Variants in PTPRG observed in about 807,000 individuals in gnomAD.
The protein encoded by PTPRG is receptor-type tyrosine-protein phosphatase gamma.
Under a neutral mutation model 165.3 loss-of-function variants are expected in PTPRG, and 102 were observed. The ratio of observed to expected loss-of-function variants is 0.62; its 90% CI spans 0.53 to 0.73. The LOEUF (loss-of-function observed/expected upper bound fraction) is 0.73, where lower values mean the gene tolerates loss of function less well. Among genes scored for constraint, PTPRG ranks in the 30% least tolerant of loss-of-function variants. PTPRG has a pLI of 0.00. For synonymous variants in PTPRG, 675 were observed against 669.5 expected (o/e 1.01, Z -0.13); for missense variants, 1,866 against 1,861.4 (o/e 1.00, Z -0.05).
chr3:61,608,369 C>T (rs1036773171), intron 1 of PTPRG, among the ~76,000 whole-genome samples: 9 of 152,184 alleles, frequency 5.9e-5, no homozygotes, highest in African/African-American at 2.2e-4. Flanking sequence ...AGGATTGGTT[C>T]AGGAGCAACT....
At chr3:61,865,962 T>G (rs930368501) in intron 2 of PTPRG, among the ~76,000 whole-genome samples, 1 of 152,206 alleles carries the variant, frequency 6.6e-6, no homozygotes, top group Non-Finnish European at 1.5e-5. Flanking sequence ...AAGTCAATGC[T>G]GAGACAGGCT....
intron 1 of PTPRG, among the ~76,000 whole-genome samples, chr3:61,663,587 T>A (rs1378401605): frequency 6.6e-6 from 1 of 152,100 alleles, no homozygotes; most frequent in African/African-American, 2.4e-5. Context: ...ATGAGTCAAG[T>A]GCATTACATT....
At chr3:62,258,056 A>G (rs938089163) in intron 16 of PTPRG, among the ~76,000 whole-genome samples, 1 of 152,122 alleles carries the variant, frequency 6.6e-6, no homozygotes, top group African/African-American at 2.4e-5. Flanking sequence ...AGAAATGATC[A>G]TGCCTCGGTG....
At position 61,862,295 on chromosome 3, in the gene PTPRG, A is replaced by G. The variant is rs116265192; in HGVS notation, c.190+113313A>G. The stretch of plus-strand genomic sequence containing the variant: ...TAATACATTTATTGAAACTTTTGGA[A>G]GTTGTCATGTAGTGTAGTGGCCTCC... On this transcript the variant is annotated intron_variant, in intron 2 of 29. Coordinates refer to ENST00000474889, the MANE Select transcript of PTPRG (RefSeq NM_002841.4). Among the ~76,000 whole-genome samples, 784 of 152,138 alleles carry G rather than the reference A, an allele frequency of 5.2e-3. 5 individuals carry two copies. The highest frequency in any genetic ancestry group is 9.0e-3 in the Non-Finnish European group (614 of 68,004).
At chr3:62,029,285 C>A (rs1699685486) in intron 4 of PTPRG, among the ~76,000 whole-genome samples, 1 of 152,052 alleles carries the variant, frequency 6.6e-6, no homozygotes, top group Non-Finnish European at 1.5e-5. Flanking sequence ...AGTTAGAGTC[C>A]ATTTGGAGAC....
At chr3:61,961,864 T>A (rs372701803) in intron 2 of PTPRG, among the ~76,000 whole-genome samples, 7 of 152,186 alleles carry the variant, frequency 4.6e-5, no homozygotes, top group East Asian at 1.9e-4. Context: ...TGCCACTGTC[T>A]TTATCAGGCC....
chr3:62,160,206 C>T (rs1451861008), intron 7 of PTPRG, among the ~76,000 whole-genome samples: 2 of 152,232 alleles, frequency 1.3e-5, no homozygotes, highest in Non-Finnish European at 2.9e-5. Context: ...ACGGTTAGCA[C>T]AAAGTGTTGA....
chr3:62,221,584 A>G (rs1033725740), intron 13 of PTPRG, among the ~76,000 whole-genome samples: 3 of 152,246 alleles, frequency 2.0e-5, no homozygotes, highest in African/African-American at 7.2e-5. Flanking sequence ...TTTTTTAGCT[A>G]GAACAACAGT....
At chr3:62,074,357 T>TC (rs1280321123) in intron 4 of PTPRG, among the ~76,000 whole-genome samples, 1 of 70,108 alleles carries the variant, frequency 1.4e-5, no homozygotes, top group Admixed American at 1.4e-4. Flanking sequence ...TCTTTCTTTT[T>TC]TTTTTTTTTT....
At chr3:61,637,248 T>C (rs1701935882) in intron 1 of PTPRG, among the ~76,000 whole-genome samples, 1 of 152,220 alleles carries the variant, frequency 6.6e-6, no homozygotes, top group African/African-American at 2.4e-5. Context: ...AGGTAGTTAG[T>C]TGTGACATCC....
chr3:61,730,745 A>G (rs2032458891), intron 1 of PTPRG, among the ~76,000 whole-genome samples: 1 of 152,078 alleles, frequency 6.6e-6, no homozygotes, highest in East Asian at 1.9e-4. Context: ...TGAATTGGGC[A>G]CCTCCAGGAG....
intron 2 of PTPRG, among the ~76,000 whole-genome samples, chr3:61,772,783 G>C (rs1015871500): frequency 1.3e-5 from 2 of 152,214 alleles, no homozygotes; most frequent in African/African-American, 4.8e-5. Context: ...AAGCACTGCA[G>C]TATCTATCCT....
chr3:62,160,050 A>G (rs1262494127), intron 7 of PTPRG, among the ~76,000 whole-genome samples: 1 of 152,214 alleles, frequency 6.6e-6, no homozygotes, highest in Non-Finnish European at 1.5e-5. Flanking sequence ...CAGGAATTCC[A>G]TGTCTGCCTC....
At chr3:62,286,662 G>GT (rs559399006) in intron 28 of PTPRG, among the ~76,000 whole-genome samples, 1 of 151,958 alleles carries the variant, frequency 6.6e-6, no homozygotes, top group Non-Finnish European at 1.5e-5. Flanking sequence ...AAAAAATAGG[G>GT]TTTTTTTCTT....
chr3:61,641,552 C>T (rs1230242637), intron 1 of PTPRG, among the ~76,000 whole-genome samples: 1 of 152,194 alleles, frequency 6.6e-6, no homozygotes, highest in African/African-American at 2.4e-5. Context: ...TTAGTTCTGA[C>T]TCTCATTTAG....
At chr3:61,693,632 G>A (rs926440922) in intron 1 of PTPRG, among the ~76,000 whole-genome samples, 4 of 152,172 alleles carry the variant, frequency 2.6e-5, no homozygotes, top group Non-Finnish European at 5.9e-5. Context: ...CAAGGTGTGT[G>A]TGTTCAGGGC....
At chr3:61,940,645 A>G (rs1331785060) in intron 2 of PTPRG, among the ~76,000 whole-genome samples, 1 of 145,232 alleles carries the variant, frequency 6.9e-6, no homozygotes, top group African/African-American at 2.5e-5. Context: ...GATTCAGTAG[A>G]TGCTTTTATT....
chr3:61,773,771 C>G (rs2034283776), intron 2 of PTPRG, among the ~76,000 whole-genome samples: 1 of 149,108 alleles, frequency 6.7e-6, no homozygotes, highest in South Asian at 2.2e-4. Flanking sequence ...AACCTTCTCC[C>G]CCATTGACTT....
chr3:61,939,334 A>C (rs1368058932), intron 2 of PTPRG, among the ~76,000 whole-genome samples: 1 of 152,200 alleles, frequency 6.6e-6, no homozygotes, highest in African/African-American at 2.4e-5. Context: ...TAAGCTTAGA[A>C]AGAGGATGCT....
Sources: gnomAD v4.1 joint callset for allele counts (sites outside exome capture counted in the v4.1 genomes callset) on GRCh38, gnomAD v4.1.1 for gene constraint, MANE v1.5 for transcripts, NCBI Gene and HGNC (gene_info 2026-07-23, HGNC 2026-07-21) for gene names.